OTOGL: variants seen among roughly 807,000 people sequenced by gnomAD.
OTOGL encodes the protein otogelin-like protein.
A neutral mutation model predicts 318.5 loss-of-function variants in OTOGL; 285 were observed. The ratio of observed to expected loss-of-function variants is 0.89; its 90% CI spans 0.81 to 0.99. The LOEUF is 0.99. Among genes scored for constraint, OTOGL ranks in the 50% least tolerant of loss-of-function variants. The pLI, the probability that OTOGL is intolerant of heterozygous loss-of-function variation, is 0.00. For synonymous variants in OTOGL, 987 were observed against 936.5 expected, an observed-to-expected ratio of 1.05 and a Z score of -0.99; for missense variants, 2,899 against 2,845.6, an observed-to-expected ratio of 1.02 and a Z score of -0.43.
At chr12:80,104,676 T>C (rs1413682568) in intron 1 of OTOGL, among the ~76,000 whole-genome samples, 3 of 152,132 alleles carry the variant, frequency 2.0e-5, no homozygotes, top group Non-Finnish European at 4.4e-5. Flanking sequence ...ACAGTTTAAG[T>C]GCAAGGCATT....
intron 1 of OTOGL, among the ~76,000 whole-genome samples, chr12:80,169,772 C>T (rs967037052): frequency 7.2e-5 from 11 of 152,158 alleles, no homozygotes; most frequent in Non-Finnish European, 1.3e-4. Flanking sequence ...TGCAATCATA[C>T]AGTATGTAAT....
chr12:80,340,934 A>AC (rs1447869942), intron 43 of OTOGL, among the ~76,000 whole-genome samples: 2 of 56,876 alleles, frequency 3.5e-5, no homozygotes, highest in Non-Finnish European at 6.7e-5. Flanking sequence ...TAGTCCACTT[A>AC]GGTTTTTTTT....
intron 56 of OTOGL, among the ~76,000 whole-genome samples, chr12:80,371,426 C>T (rs1282449902): frequency 6.6e-6 from 1 of 151,936 alleles, no homozygotes; most frequent in Non-Finnish European, 1.5e-5. Context: ...AGAATTTCAG[C>T]TCTGGAAAAA....
In OTOGL at chr12:80,379,167, T is replaced by G. The variant is rs1396595719; in HGVS notation, c.*1119T>G. The G allele has an allele frequency of 6.6e-6, 1 of 152,270 alleles. No individual in the cohort carries two copies. 9.4% of individuals were successfully genotyped at this position (152,270 alleles called of 1,614,324 possible). ...AAGAATGTATTGAGGTCTTTGGAAA[T>G]GCCCAAATTCTTTGCCACCTATAAT... On this transcript the variant is annotated 3_prime_UTR_variant, in exon 59 of 59. Transcript: ENST00000547103.
chr12:80,195,627 T>C (rs1456701397), intron 1 of OTOGL, among the ~76,000 whole-genome samples: 1 of 152,194 alleles, frequency 6.6e-6, no homozygotes, highest in African/African-American at 2.4e-5. Flanking sequence ...GAAGTCCAGG[T>C]AAAAACTTAT....
At chr12:80,364,068 A>G (rs1890387843) in intron 52 of OTOGL, among the ~76,000 whole-genome samples, 1 of 152,156 alleles carries the variant, frequency 6.6e-6, no homozygotes, top group East Asian at 1.9e-4. Flanking sequence ...TATGAATCAT[A>G]TTTTGATATT....
intron 44 of OTOGL, among the ~76,000 whole-genome samples, chr12:80,347,140 CT>C (rs200979344): frequency 3.1e-4 from 47 of 149,650 alleles, no homozygotes; most frequent in African/African-American, 6.6e-4. Context: ...TGACTTACAT[CT>C]TTTTTTTTTA....
chr12:80,155,795 A>G (rs1248259956), intron 1 of OTOGL, among the ~76,000 whole-genome samples: 1 of 152,126 alleles, frequency 6.6e-6, no homozygotes. Context: ...TTTGGTAACC[A>G]TCCTTCTACT....
At chr12:80,148,093 A>T (rs1480936897) in intron 1 of OTOGL, among the ~76,000 whole-genome samples, 2 of 151,384 alleles carry the variant, frequency 1.3e-5, no homozygotes, top group Non-Finnish European at 2.9e-5. Flanking sequence ...TGATCCTGTC[A>T]TGATGATGTT....
intron 1 of OTOGL, among the ~76,000 whole-genome samples, chr12:80,156,559 T>C (rs1592503332): frequency 6.6e-6 from 1 of 152,102 alleles, no homozygotes; most frequent in Non-Finnish European, 1.5e-5. Flanking sequence ...AGGGACCCGG[T>C]GGGAGATAAT....
chr12:80,189,571 T>C, intron 1 of OTOGL: 1 of 695,506 alleles, frequency 1.4e-6, no homozygotes. Flanking sequence ...AATATAGTTA[T>C]CTGAAAGACC....
At chr12:80,236,903 C>A (rs1009408423) in intron 9 of OTOGL, among the ~76,000 whole-genome samples, 57 of 151,144 alleles carry the variant, frequency 3.8e-4, no homozygotes, top group African/African-American at 1.3e-3. Flanking sequence ...TAACCTCCTC[C>A]TCCCGGGTTC....
intron 7 of OTOGL, among the ~76,000 whole-genome samples, chr12:80,225,207 C>T (rs1421788677): frequency 6.6e-6 from 1 of 152,038 alleles, no homozygotes; most frequent in African/African-American, 2.4e-5. Flanking sequence ...TTGCAGGTCT[C>T]CTGTTCTCAG....
intron 1 of OTOGL, among the ~76,000 whole-genome samples, chr12:80,204,724 G>A (rs1038904099): frequency 1.3e-5 from 2 of 152,074 alleles, no homozygotes; most frequent in Non-Finnish European, 2.9e-5. Context: ...GGTTGAATAA[G>A]TTCACTAGAA....
chr12:80,284,384 G>A (rs1884459891), intron 26 of OTOGL, among the ~76,000 whole-genome samples: 1 of 152,066 alleles, frequency 6.6e-6, no homozygotes, highest in South Asian at 2.1e-4. Context: ...AAATCTTTGG[G>A]TATATACTCA....
At chr12:80,243,657 TATAATC>T (rs1024306333) in intron 11 of OTOGL, among the ~76,000 whole-genome samples, 2 of 151,512 alleles carry the variant, frequency 1.3e-5, no homozygotes, top group African/African-American at 2.4e-5. Context: ...AAATAATTGA[TATAATC>T]ATAAACTGGA....
At chr12:80,347,342 T>A (rs1050203524) in intron 44 of OTOGL, among the ~76,000 whole-genome samples, 15 of 152,044 alleles carry the variant, frequency 9.9e-5, no homozygotes, top group Non-Finnish European at 1.5e-5. Context: ...CCTCCCTGTG[T>A]CCATGTGTTC....
intron 1 of OTOGL, among the ~76,000 whole-genome samples, chr12:80,180,827 G>T (rs562201729): frequency 6.6e-6 from 1 of 152,128 alleles, no homozygotes; most frequent in African/African-American, 2.4e-5. Flanking sequence ...GCTTGTATAA[G>T]GTTATGTATG....
intron 44 of OTOGL, among the ~76,000 whole-genome samples, chr12:80,350,393 T>G (rs145990592): frequency 4.7e-4 from 71 of 152,376 alleles, no homozygotes; most frequent in African/African-American, 1.6e-3. Context: ...TGTGACATAC[T>G]GATTTCATTT....
Sources: gnomAD v4.1 joint callset for allele counts (sites outside exome capture counted in the v4.1 genomes callset) on GRCh38, gnomAD v4.1.1 for gene constraint, MANE v1.5 for transcripts, NCBI Gene and HGNC (gene_info 2026-07-23, HGNC 2026-07-21) for gene names.